WWP2: variants seen among roughly 807,000 people sequenced by gnomAD.
The protein encoded by WWP2 is NEDD4-like E3 ubiquitin-protein ligase WWP2.
A neutral mutation model predicts 121.0 loss-of-function variants in WWP2; 57 were observed. That is an observed-to-expected ratio of 0.47 (90% CI 0.38 to 0.59). The LOEUF is 0.59. Ranked by LOEUF, WWP2 falls within the 20% of genes least tolerant of loss-of-function variation. The pLI is 0.00. For synonymous variants in WWP2, 449 were observed against 441.3 expected, an observed-to-expected ratio of 1.02 and a Z score of -0.22; for missense variants, 962 against 1,158.9, an observed-to-expected ratio of 0.83 and a Z score of 2.47.
intron 22 of WWP2, 58 bp downstream of exon 22, chr16:69,939,181 G>A: frequency 1.3e-6 from 2 of 1,564,392 alleles, no homozygotes; most frequent in East Asian, 4.7e-5. Context: ...CTCAGAGGGA[G>A]GGGGAAACCT....
At chr16:69,856,531 C>G (rs751130699) in intron 6 of WWP2, among the ~76,000 whole-genome samples, 7 of 152,182 alleles carry the variant, frequency 4.6e-5, no homozygotes, top group Non-Finnish European at 7.3e-5. Flanking sequence ...AATCCCAGCA[C>G]TGTGGGAGAC....
intron 4 of WWP2, among the ~76,000 whole-genome samples, chr16:69,804,998 C>G (rs1468985747): frequency 1.3e-5 from 2 of 149,760 alleles, no homozygotes; most frequent in Non-Finnish European, 3.0e-5. Context: ...TTACTGAGTC[C>G]TTTAGTATAG....
At chr16:69,936,873 G>T (rs767743806) in intron 19 of WWP2, 4 of 520,866 alleles carry the variant, frequency 7.7e-6, no homozygotes, top group East Asian at 3.4e-5. Flanking sequence ...CTGAGGTTCA[G>T]TCGGCGCTGG....
chr16:69,925,359 T>G lies in WWP2; in HGVS notation c.1180-71T>G, dbSNP rs936057621. The G allele has an allele frequency of 6.3e-7, 1 of 1,588,320 alleles. No homozygotes were observed. Among genetic ancestry groups the G allele is most frequent in the South Asian group, 1.1e-5 (1 of 88,670 alleles). ...GCCAGTCATTGGCATTTTTATTTTT[T>G]ATTGATTGATTGATTTTTTCACCAG... On this transcript the variant is annotated intron_variant, in intron 10 of 23. Transcript: ENST00000359154. This position sits in a 1 kb window ranked among gnomAD's most constrained non-coding sequence, Gnocchi z 4.0.
intron 6 of WWP2, among the ~76,000 whole-genome samples, chr16:69,853,512 C>A (rs1405161449): frequency 1.3e-5 from 2 of 152,206 alleles, no homozygotes; most frequent in African/African-American, 4.8e-5. Flanking sequence ...ACCTAAATCA[C>A]ACCCAGAGCC....
intron 4 of WWP2, among the ~76,000 whole-genome samples, chr16:69,812,523 G>C (rs4528563): frequency 0.085 from 12,283 of 144,662 alleles, 638 homozygotes; most frequent in South Asian, 0.22. Context: ...CTGTGGCCCA[G>C]GCTGGAGTGC....
chr16:69,869,395 T>TC lies in WWP2; in HGVS notation c.576-2409_576-2408insC, dbSNP rs553227060. On this transcript the variant is annotated intron_variant, in intron 6 of 23. Coordinates refer to ENST00000359154, the MANE Select transcript of WWP2 (RefSeq NM_001270454.2). ...TTGGGGGCAAGAAAAACTTAATTTT[T>TC]TTTTTTTGTTAAACAAGGTCTCACT... Among the ~76,000 whole-genome samples the TC allele has an allele frequency of 3.5e-4, 52 of 150,466 alleles. 1 individual carries two copies. In the South Asian group the frequency reaches 0.01, roughly 30 times the overall value.
At chr16:69,852,058 C>G (rs748868634) in intron 6 of WWP2, among the ~76,000 whole-genome samples, 7 of 152,114 alleles carry the variant, frequency 4.6e-5, no homozygotes, top group Non-Finnish European at 8.8e-5. Context: ...ATTGCTGGGT[C>G]ATATGGTAAA....
chr16:69,825,596 G>T (rs1210388541), intron 4 of WWP2, among the ~76,000 whole-genome samples: 21 of 149,920 alleles, frequency 1.4e-4, no homozygotes, highest in Non-Finnish European at 1.9e-4. Context: ...TTGTAAAGAC[G>T]ATATGATATA....
intron 2 of WWP2, among the ~76,000 whole-genome samples, chr16:69,794,528 CAA>C (rs575780366): frequency 1.4e-5 from 2 of 139,372 alleles, no homozygotes; most frequent in Non-Finnish European, 1.6e-5. Context: ...GACCCGGTCT[CAA>C]AAAAAAAAAG....
At chr16:69,771,859 G>C (rs1002927260) in intron 1 of WWP2, among the ~76,000 whole-genome samples, 2 of 151,424 alleles carry the variant, frequency 1.3e-5, no homozygotes, top group African/African-American at 4.9e-5. Context: ...TCACTGTCTC[G>C]CTGGGTCAAT....
chr16:69,786,778 C>G (rs2055802098), intron 1 of WWP2, among the ~76,000 whole-genome samples: 2 of 152,130 alleles, frequency 1.3e-5, no homozygotes, highest in African/African-American at 2.4e-5. Context: ...TCTGCCTCCT[C>G]TAGACTTTGC....
intron 7 of WWP2, among the ~76,000 whole-genome samples, chr16:69,884,817 A>C (rs2057894611): frequency 6.6e-6 from 1 of 152,212 alleles, no homozygotes; most frequent in South Asian, 2.1e-4. Context: ...TTCTTTACAA[A>C]CTGAACCTCC....
At chr16:69,841,250 A>T (rs1434357256) in intron 5 of WWP2, among the ~76,000 whole-genome samples, 1 of 152,218 alleles carries the variant, frequency 6.6e-6, no homozygotes, top group Non-Finnish European at 1.5e-5. Context: ...CATAGCTGTG[A>T]TTGTAACAAA....
intron 8 of WWP2, chr16:69,890,930 G>C (rs7184995): frequency 0.2 from 31,001 of 152,146 alleles, 3,773 homozygotes; most frequent in East Asian, 0.35. Context: ...CGTGATGAGG[G>C]CCACATGTGG....
intron 2 of WWP2, among the ~76,000 whole-genome samples, chr16:69,793,437 T>C (rs1277852771): frequency 6.6e-6 from 1 of 152,136 alleles, no homozygotes; most frequent in East Asian, 1.9e-4. Context: ...AAACAGGCCA[T>C]ATGGGAGACA....
chr16:69,777,436 G>A (rs1295158994), intron 1 of WWP2, among the ~76,000 whole-genome samples: 1 of 151,618 alleles, frequency 6.6e-6, no homozygotes, highest in Non-Finnish European at 1.5e-5. Flanking sequence ...TATTAACTGG[G>A]ATTACAGGCA....
chr16:69,888,082 CGTT>C lies in WWP2; in HGVS notation c.752_754del (p.Val251del), dbSNP rs2057956484. The C allele has an allele frequency of 1.2e-6, 2 of 1,614,204 alleles. No individual in the cohort carries two copies. Among genetic ancestry groups the C allele is most frequent in the African/African-American group, 1.3e-5 (1 of 75,046 alleles). The stretch of plus-strand genomic sequence containing the variant: ...CAGCCACTGATCCCGAAGAACCTTC[CGTT>C]GTTGGTGTGACGTCCCCACCTGCTG... On this transcript the variant is annotated inframe_deletion, in exon 8 of 24. Coordinates refer to ENST00000359154, the MANE Select transcript of WWP2 (RefSeq NM_001270454.2).
At chr16:69,871,562 A>G (rs1460787689) in intron 6 of WWP2, among the ~76,000 whole-genome samples, 3 of 152,172 alleles carry the variant, frequency 2.0e-5, no homozygotes, top group Non-Finnish European at 4.4e-5. Flanking sequence ...TTCACTCTGG[A>G]TTTGTTTACT....
Sources: gnomAD v4.1 joint callset for allele counts (sites outside exome capture counted in the v4.1 genomes callset) on GRCh38, gnomAD v4.1.1 for gene constraint, Gnocchi (gnomAD v3.1) non-coding constraint, MANE v1.5 for transcripts, NCBI Gene and HGNC (gene_info 2026-07-23, HGNC 2026-07-21) for gene names.